The following ZMYM2 variants were observed in gnomAD, a reference collection of about 807,000 sequenced individuals.
ZMYM2 encodes the protein zinc finger MYM-type protein 2.
ZMYM2 carries 56 observed loss-of-function variants against 162.8 expected under a neutral mutation model. The observed-to-expected ratio is 0.34, with a 90% CI of 0.28 to 0.43. ZMYM2 has a LOEUF of 0.43. Ranked by LOEUF, ZMYM2 falls within the 20% of genes least tolerant of loss-of-function variation. The pLI is 1.00. For synonymous variants in ZMYM2, 510 were observed against 541.6 expected (o/e 0.94, Z 0.81); for missense variants, 1,275 against 1,621.8 (o/e 0.79, Z 3.67).
intron 3 of ZMYM2, among the ~76,000 whole-genome samples, chr13:19,996,088 A>G (rs573613915): frequency 7.4e-5 from 11 of 147,706 alleles, no homozygotes; most frequent in Non-Finnish European, 1.2e-4. Context: ...GTGTGTGTCT[A>G]TCGGCGTTTC....
intron 2 of ZMYM2, among the ~76,000 whole-genome samples, chr13:19,973,689 A>AC (rs367912762): frequency 0.093 from 13,288 of 142,512 alleles, 1,253 homozygotes; most frequent in African/African-American, 0.2. Flanking sequence ...AAAAAAAAAA[A>AC]CACCAAAAAA....
At chr13:19,989,680 T>C (rs913889075) in intron 2 of ZMYM2, among the ~76,000 whole-genome samples, 1 of 152,258 alleles carries the variant, frequency 6.6e-6, no homozygotes, top group African/African-American at 2.4e-5. Flanking sequence ...AGTTATACTC[T>C]TATTTTAAAA....
the ZMYM2 span, among the ~76,000 whole-genome samples, chr13:19,904,371 A>T: frequency 6.6e-6 from 1 of 151,564 alleles, no homozygotes; most frequent in Non-Finnish European, 1.5e-5. Flanking sequence ...AGCCTGGCTA[A>T]CATGGTGAAA....
the ZMYM2 span, among the ~76,000 whole-genome samples, chr13:19,916,021 G>A: frequency 1.3e-5 from 2 of 151,572 alleles, no homozygotes; most frequent in Non-Finnish European, 2.9e-5. Flanking sequence ...CACCACACCC[G>A]GCTAATTTTT....
chr13:19,980,626 GC>G (rs1566206310), intron 2 of ZMYM2, among the ~76,000 whole-genome samples: 1 of 151,438 alleles, frequency 6.6e-6, no homozygotes, highest in Admixed American at 6.6e-5. Context: ...GGTGGCAGGC[GC>G]CTGTAATCCT....
At chr13:20,073,150 C>G (rs561933551) in intron 21 of ZMYM2, among the ~76,000 whole-genome samples, 1 of 152,078 alleles carries the variant, frequency 6.6e-6, no homozygotes, top group African/African-American at 2.4e-5. Context: ...TCAAGTGATC[C>G]GCCTGCCCCA....
chr13:20,010,470 T>C (rs1295495321), intron 6 of ZMYM2, among the ~76,000 whole-genome samples: 1 of 152,206 alleles, frequency 6.6e-6, no homozygotes, highest in South Asian at 2.1e-4. Context: ...TCCAAAGTGC[T>C]AGGATTACAG....
chr13:19,896,231 A>AC, the ZMYM2 span, among the ~76,000 whole-genome samples: 6 of 151,308 alleles, frequency 4.0e-5, no homozygotes, highest in African/African-American at 1.5e-4. Context: ...GCAAGCTCCG[A>AC]CCCCTGGGTT....
intron 6 of ZMYM2, among the ~76,000 whole-genome samples, chr13:20,011,938 C>T (rs1340881412): frequency 4.0e-5 from 6 of 151,854 alleles, no homozygotes; most frequent in East Asian, 3.9e-4. Flanking sequence ...TTAGTAGAGA[C>T]GGGGTTTCAC....
At chr13:19,969,359 T>G (rs1398907854) in intron 2 of ZMYM2, among the ~76,000 whole-genome samples, 1 of 152,212 alleles carries the variant, frequency 6.6e-6, no homozygotes, top group Non-Finnish European at 1.5e-5. Context: ...GTATGTGGAC[T>G]TTTTAGGTAC....
rs1956198401 is a variant in ZMYM2, at chr13:20,061,156, C to A, written c.2843C>A (p.Thr948Lys). ...KSKVSSDALD[T>K]ELLTMTDMMS... ...AAGGTTTCTTCAGATGCTCTTGATA[C>A]AGAGTTGCTTACAATGACGGATATG... is the stretch of plus-strand genomic sequence containing the variant. The change falls in exon 17 of 25, where the codon ACA (threonine) becomes AAA (lysine). Residue 948 changes from threonine (T) to lysine (K), a missense_variant. Thr to Lys is a moderately conservative substitution (Grantham distance 78). Transcript: ENST00000610343. 6.2e-7 allele frequency: 1 copy of A among 1,613,682 alleles called. No homozygotes were observed. The highest frequency in any genetic ancestry group is 1.7e-5 in the Admixed American group (1 of 59,990).
chr13:19,884,204 C>G, the ZMYM2 span, among the ~76,000 whole-genome samples: 1 of 151,994 alleles, frequency 6.6e-6, no homozygotes, highest in Non-Finnish European at 1.5e-5. Context: ...CCCCAGCTCT[C>G]AAAAAAATTT....
chr13:19,905,516 C>T, the ZMYM2 span, among the ~76,000 whole-genome samples: 1 of 152,180 alleles, frequency 6.6e-6, no homozygotes, highest in South Asian at 2.1e-4. Flanking sequence ...CTTCTCACTG[C>T]TCTTCCCCTG....
the ZMYM2 span, among the ~76,000 whole-genome samples, chr13:19,866,199 G>A: frequency 6.6e-6 from 1 of 151,562 alleles, no homozygotes; most frequent in Non-Finnish European, 1.5e-5. Flanking sequence ...TCCAGTCTGG[G>A]CAACACAGCA....
chr13:20,019,382 C>T (rs1222596475), intron 6 of ZMYM2, among the ~76,000 whole-genome samples, 165 bp from the exon 7 acceptor site: 1 of 152,052 alleles, frequency 6.6e-6, no homozygotes, highest in East Asian at 1.9e-4. Context: ...TTAAGTTGGG[C>T]AACAGTAGTG....
intron 21 of ZMYM2, among the ~76,000 whole-genome samples, chr13:20,071,589 G>A (rs965863170): frequency 1.2e-4 from 19 of 152,246 alleles, no homozygotes; most frequent in African/African-American, 4.3e-4. Context: ...GATGGTCCCT[G>A]CTTGGCCCGT....
the ZMYM2 span, among the ~76,000 whole-genome samples, chr13:19,866,887 C>T: frequency 6.6e-6 from 1 of 150,904 alleles, no homozygotes; most frequent in Non-Finnish European, 1.5e-5. Context: ...AGAGTGAGAC[C>T]CTGTCTCAAA....
chr13:19,947,794 G>A, the ZMYM2 span, among the ~76,000 whole-genome samples: 1 of 151,916 alleles, frequency 6.6e-6, no homozygotes, highest in Non-Finnish European at 1.5e-5. Flanking sequence ...GCGCCCGGCC[G>A]CTATGTATCT....
intron 2 of ZMYM2, among the ~76,000 whole-genome samples, chr13:19,964,175 G>A (rs1335997901): frequency 6.6e-6 from 1 of 151,972 alleles, no homozygotes; most frequent in Non-Finnish European, 1.5e-5. Flanking sequence ...TCAAGAGTTC[G>A]AGACCAGCCT....
Sources: gnomAD v4.1 joint callset for allele counts (sites outside exome capture counted in the v4.1 genomes callset) on GRCh38, gnomAD v4.1.1 for gene constraint, MANE v1.5 for transcripts, NCBI Gene and HGNC (gene_info 2026-07-23, HGNC 2026-07-21) for gene names.